ZNF469: variants seen among roughly 807,000 people sequenced by gnomAD.
ZNF469 encodes the protein zinc finger protein 469.
In ZNF469, 1 loss-of-function variant was observed where a neutral mutation model predicts 1.0. That is an observed-to-expected ratio of 1.00 (90% CI 0.35 to 4.73). The LOEUF (loss-of-function observed/expected upper bound fraction) is 4.73. ZNF469 is among the 30% of genes most tolerant of loss of function. ZNF469 has a pLI of 0.16. For missense variants in ZNF469, 6,100 were observed against 5,356.3 expected (o/e 1.14, Z -4.33); for synonymous variants, 2,703 against 2,363.4 (o/e 1.14, Z -4.17).
At chr16:88,206,279 G>A in the ZNF469 span, among the ~76,000 whole-genome samples, 1 of 152,204 alleles carries the variant, frequency 6.6e-6, no homozygotes, top group African/African-American at 2.4e-5. Flanking sequence ...GGCCCATCCT[G>A]GGTCTTGGCC....
At chr16:88,120,795 G>A in the ZNF469 span, among the ~76,000 whole-genome samples, 1 of 152,294 alleles carries the variant, frequency 6.6e-6, no homozygotes, top group South Asian at 2.1e-4. Flanking sequence ...ACGGCGTCTC[G>A]TATGAATCCC....
chr16:88,373,088 T>A, the ZNF469 span, among the ~76,000 whole-genome samples: 12 of 152,276 alleles, frequency 7.9e-5, no homozygotes, highest in Admixed American at 7.8e-4. Flanking sequence ...GGCACTCTTT[T>A]AAGTACTTGA....
chr16:88,225,091 C>T, the ZNF469 span, among the ~76,000 whole-genome samples: 1 of 152,264 alleles, frequency 6.6e-6, no homozygotes, highest in Admixed American at 6.5e-5. Context: ...CCCTCAGTGC[C>T]TACGGGCGCC....
At chr16:88,232,453 G>C in the ZNF469 span, among the ~76,000 whole-genome samples, 1 of 151,880 alleles carries the variant, frequency 6.6e-6, no homozygotes, top group Non-Finnish European at 1.5e-5. Context: ...GACTTTCGGG[G>C]GTGTCCAGGC....
the ZNF469 span, among the ~76,000 whole-genome samples, chr16:88,329,530 G>T: frequency 6.5e-3 from 985 of 152,274 alleles, 7 homozygotes; most frequent in African/African-American, 0.022. Context: ...ACAGGTGGGA[G>T]CTCCCCAGAT....
At chr16:88,327,058 G>A in the ZNF469 span, among the ~76,000 whole-genome samples, 1 of 152,180 alleles carries the variant, frequency 6.6e-6, no homozygotes, top group Admixed American at 6.5e-5. Flanking sequence ...GATGTCCTTG[G>A]TCTGTCCTCA....
chr16:88,211,118 G>A, the ZNF469 span, among the ~76,000 whole-genome samples: 1,519 of 152,270 alleles, frequency 1.0e-2, 34 homozygotes, highest in African/African-American at 0.035. Context: ...GTTTTTCCCC[G>A]CATTCTTGAT....
chr16:88,356,478 G>T, the ZNF469 span, among the ~76,000 whole-genome samples: 1 of 151,912 alleles, frequency 6.6e-6, no homozygotes, highest in Middle Eastern at 3.4e-3. Flanking sequence ...CTGTGTGTGT[G>T]TGTACACATG....
At position 88,431,012 on chromosome 16, in the gene ZNF469, G is replaced by T. The variant is rs1301328763; in HGVS notation, c.3542G>T (p.Gly1181Val). 3.2e-6 allele frequency: 5 copies of T among 1,543,560 alleles called. No individual in the cohort carries two copies. In the Admixed American group the frequency reaches 9.8e-5, roughly 30 times the overall value. ...ARGPSRSLET[G>V]AAAREGGPKC... is the part of the protein sequence containing the mutation. Reference sequence around the variant, plus strand: ...GGCCCGTCTCGAAGCCTGGAGACGGGAGCGGCCGCCAGGGAGGGAGGCCCC... The same window carrying T: ...GGCCCGTCTCGAAGCCTGGAGACGGTAGCGGCCGCCAGGGAGGGAGGCCCC... The change falls in exon 3 of 3, where the codon GGA becomes GTA. Residue 1181 changes from glycine to valine, a missense_variant. Gly to Val is a moderately radical substitution (Grantham distance 109, BLOSUM62 -3). Transcript: ENST00000565624.
chr16:88,420,910 C>T (rs888671801), intron 1 of ZNF469, among the ~76,000 whole-genome samples: 13 of 151,384 alleles, frequency 8.6e-5, no homozygotes, highest in African/African-American at 3.2e-4. Flanking sequence ...CCCAAAGCCC[C>T]CTGTGTGGTT....
At chr16:88,227,461 TCCCTGTCTCC>T in the ZNF469 span, among the ~76,000 whole-genome samples, 8 of 151,368 alleles carry the variant, frequency 5.3e-5, no homozygotes, top group South Asian at 1.5e-3. Context: ...CCTCAGCTTC[TCCCTGTCTCC>T]CCATCTCCCT....
At chr16:88,213,972 C>T in the ZNF469 span, among the ~76,000 whole-genome samples, 1 of 152,072 alleles carries the variant, frequency 6.6e-6, no homozygotes, top group Non-Finnish European at 1.5e-5. Context: ...ATGCTGAAAG[C>T]GTGGAATTTG....
At chr16:88,295,472 G>A in the ZNF469 span, among the ~76,000 whole-genome samples, 4 of 149,928 alleles carry the variant, frequency 2.7e-5, no homozygotes, top group African/African-American at 9.8e-5. Context: ...TGGGGAGGAC[G>A]TCATCTTGGG....
the ZNF469 span, among the ~76,000 whole-genome samples, chr16:88,208,779 G>GCACACACACACACACA: frequency 5.2e-5 from 7 of 133,696 alleles, no homozygotes; most frequent in Non-Finnish European, 9.6e-5. Flanking sequence ...GCGTGCGCGC[G>GCACACACACACACACA]CACACACACA....
At chr16:88,260,915 C>G in the ZNF469 span, among the ~76,000 whole-genome samples, 1 of 152,186 alleles carries the variant, frequency 6.6e-6, no homozygotes, top group Non-Finnish European at 1.5e-5. This position sits in a 1 kb window ranked among gnomAD's most constrained non-coding sequence, Gnocchi z 4.1. Flanking sequence ...AAGGAGGAGG[C>G]TGCGTGGCCA....
the ZNF469 span, among the ~76,000 whole-genome samples, chr16:88,229,477 A>ACGTGC: frequency 6.6e-6 from 1 of 152,120 alleles, no homozygotes; most frequent in Non-Finnish European, 1.5e-5. Flanking sequence ...TGTGGTCATT[A>ACGTGC]CGTGCGGTGC....
upstream of ZNF469, among the ~76,000 whole-genome samples, chr16:88,380,146 C>T (rs1370005411): frequency 6.8e-6 from 1 of 146,036 alleles, no homozygotes; most frequent in Non-Finnish European, 1.5e-5. Context: ...CACACACTCA[C>T]ACACAAATGC....
At chr16:88,150,105 C>T in the ZNF469 span, among the ~76,000 whole-genome samples, 6 of 152,270 alleles carry the variant, frequency 3.9e-5, no homozygotes, top group African/African-American at 4.8e-5. Flanking sequence ...GTCAGAAGTT[C>T]GTGACCAGCC....
chr16:88,418,761 C>G (rs1905371793), intron 1 of ZNF469, among the ~76,000 whole-genome samples: 1 of 152,224 alleles, frequency 6.6e-6, no homozygotes, highest in South Asian at 2.1e-4. Flanking sequence ...AACTTACCCT[C>G]CGGGCCATAT....
Sources: gnomAD v4.1 joint callset for allele counts (sites outside exome capture counted in the v4.1 genomes callset) on GRCh38, gnomAD v4.1.1 for gene constraint, Gnocchi (gnomAD v3.1) non-coding constraint, MANE v1.5 for transcripts, NCBI Gene and HGNC (gene_info 2026-07-23, HGNC 2026-07-21) for gene names.